Variants in C4orf50 observed in about 807,000 individuals in gnomAD.
C4orf50 encodes the protein uncharacterized protein C4orf50.
In C4orf50, 80 loss-of-function variants were observed where a neutral mutation model predicts 77.2. The observed-to-expected ratio is 1.04, with a 90% CI of 0.87 to 1.25. The LOEUF (loss-of-function observed/expected upper bound fraction) is 1.25. Among genes scored for constraint, C4orf50 ranks in the 50% most tolerant of loss-of-function variants. The pLI is 0.00. For synonymous variants in C4orf50, 532 were observed against 465.3 expected (o/e 1.14, Z -1.84); for missense variants, 1,257 against 1,152.9 (o/e 1.09, Z -1.31).
intron 25 of C4orf50, among the ~76,000 whole-genome samples, chr4:6,006,491 G>C (rs1240580047): frequency 6.6e-6 from 1 of 152,200 alleles, no homozygotes; most frequent in Non-Finnish European, 1.5e-5. Flanking sequence ...TGTGACAACA[G>C]TTAAAAGATG....
chr4:5,996,176 TC>T (rs1296723403), intron 25 of C4orf50, among the ~76,000 whole-genome samples: 6 of 152,170 alleles, frequency 3.9e-5, no homozygotes, highest in Admixed American at 3.9e-4. Flanking sequence ...TCCCAGCGCG[TC>T]CGTGCTCTCC....
rs1207974269 is a variant in C4orf50, at chr4:5,914,205, GT to G, written c.*2475-16018del. Among the ~76,000 whole-genome samples the G allele has an allele frequency of 6.4e-4, 50 of 78,154 alleles. 1 individual carries two copies. Among genetic ancestry groups the G allele is most frequent in the African/African-American group, 1.5e-3 (37 of 24,274 alleles). 51.3% of individuals were successfully genotyped at this position (78,154 alleles called of 152,430 possible). ...AGATTTTGTTTTTGTTTTTATGGGT[GT>G]TTTTTTTTTTTTTTTTTTTTTGGAG... On this transcript the variant is annotated intron_variant, in intron 7 of 7. Transcript: ENST00000324058.
In C4orf50 at chr4:5,916,347, G is replaced by A. The variant is rs542305916; in HGVS notation, c.*2475-18159C>T. 1.3e-5 allele frequency among the ~76,000 whole-genome samples: 2 copies of A among 152,108 alleles called. No homozygotes were observed. The highest frequency in any genetic ancestry group is 2.9e-5 in the Non-Finnish European group (2 of 68,032). ...TTGACCAATCAACTAGGAGAGGGGT[G>A]GGGCTTAACCACGCCGAACAGACAG... On this transcript the variant is annotated intron_variant, in intron 7 of 7. Coordinates refer to the C4orf50 transcript ENST00000324058. This position sits in a 1 kb window ranked among gnomAD's most constrained non-coding sequence, Gnocchi z 4.4.
At chr4:5,929,593 T>C (rs893110734) in intron 7 of C4orf50, among the ~76,000 whole-genome samples, 9 of 152,268 alleles carry the variant, frequency 5.9e-5, no homozygotes, top group African/African-American at 2.2e-4. Flanking sequence ...ATTTACAATT[T>C]ACTTCTTATA....
intron 23 of C4orf50, among the ~76,000 whole-genome samples, chr4:6,013,659 G>T (rs1722569181): frequency 6.6e-6 from 1 of 152,206 alleles, no homozygotes; most frequent in Non-Finnish European, 1.5e-5. Flanking sequence ...CCTTGAGAGA[G>T]GGTTGAACTT....
intron 7 of C4orf50, among the ~76,000 whole-genome samples, chr4:5,912,256 C>CGTGTGTGTGTGTGTGTGT (rs58017259): frequency 6.8e-6 from 1 of 146,312 alleles, no homozygotes; most frequent in African/African-American, 2.6e-5. Context: ...GCACTCCACT[C>CGTGTGTGTGTGTGTGTGT]GTGTGTGTGT....
chr4:5,945,238 C>A (rs918175203), intron 7 of C4orf50, among the ~76,000 whole-genome samples: 1 of 152,148 alleles, frequency 6.6e-6, no homozygotes, highest in Non-Finnish European at 1.5e-5. Flanking sequence ...AAGCAGCATT[C>A]GGATTTGACT....
chr4:5,959,709 G>A (rs905228501), intron 33 of C4orf50, 83 bp from the exon 12 acceptor site: 2 of 1,490,494 alleles, frequency 1.3e-6, no homozygotes, highest in African/African-American at 2.8e-5. Context: ...ATCAAAGGAA[G>A]AGATGACAGT....
chr4:5,935,104 C>T (rs1717948726), intron 7 of C4orf50, among the ~76,000 whole-genome samples: 1 of 152,224 alleles, frequency 6.6e-6, no homozygotes, highest in Non-Finnish European at 1.5e-5. Context: ...TTCATAATTA[C>T]TGCAGTTAAC....
intron 25 of C4orf50, among the ~76,000 whole-genome samples, chr4:5,995,353 C>T (rs1026087470): frequency 6.6e-5 from 10 of 152,172 alleles, no homozygotes; most frequent in South Asian, 2.1e-4. Context: ...ACCTTGGCAG[C>T]GCCCTGTCCC....
intron 33 of C4orf50, among the ~76,000 whole-genome samples, chr4:5,963,553 G>T (rs1407213198): frequency 6.6e-6 from 1 of 152,082 alleles, no homozygotes; most frequent in Non-Finnish European, 1.5e-5. Flanking sequence ...CAACAAGCCT[G>T]AGAGGTAGAT....
chr4:6,004,367 TG>T (rs201759986), intron 25 of C4orf50, among the ~76,000 whole-genome samples: 2 of 125,636 alleles, frequency 1.6e-5, no homozygotes, highest in African/African-American at 5.7e-5. Flanking sequence ...ATGGTGATGA[TG>T]GTGATGGTGA....
At chr4:5,996,800 C>T (rs191252028) in intron 25 of C4orf50, among the ~76,000 whole-genome samples, 3 of 152,194 alleles carry the variant, frequency 2.0e-5, no homozygotes, top group Non-Finnish European at 4.4e-5. Context: ...GCCTGGGCAG[C>T]GACATCCTGT....
intron 7 of C4orf50, among the ~76,000 whole-genome samples, chr4:5,925,610 G>A (rs977551024): frequency 6.6e-6 from 1 of 152,240 alleles, no homozygotes; most frequent in Non-Finnish European, 1.5e-5. Context: ...ATAACACTGG[G>A]TTTCTATGGC....
At chr4:5,962,753 T>C (rs1719340879) in intron 33 of C4orf50, among the ~76,000 whole-genome samples, 1 of 152,220 alleles carries the variant, frequency 6.6e-6, no homozygotes, top group African/African-American at 2.4e-5. Context: ...CTGATATCTA[T>C]TTGGTGGGCC....
At chr4:5,959,316 G>C in exon 34 of C4orf50, 1 of 1,555,990 alleles carries the variant, frequency 6.4e-7, no homozygotes, top group African/African-American at 1.4e-5. Flanking sequence ...ACTCTCTGAA[G>C]GTTCTGCTTC....
intron 7 of C4orf50, among the ~76,000 whole-genome samples, chr4:5,925,278 G>T (rs60463149): frequency 0.1 from 15,523 of 152,042 alleles, 1,105 homozygotes; most frequent in African/African-American, 0.2. Flanking sequence ...GAGGTGTGGT[G>T]GGGGGTGGGC....
intron 7 of C4orf50, among the ~76,000 whole-genome samples, chr4:5,939,178 G>A (rs1301830635): frequency 6.6e-6 from 1 of 152,126 alleles, no homozygotes; most frequent in Non-Finnish European, 1.5e-5. Flanking sequence ...GGGAGGCAGA[G>A]GTTGCAGTGA....
At chr4:5,966,993 G>T (rs1452174778) in intron 32 of C4orf50, among the ~76,000 whole-genome samples, 1 of 152,186 alleles carries the variant, frequency 6.6e-6, no homozygotes, top group Admixed American at 6.5e-5. Flanking sequence ...TAATTCCCAT[G>T]CTGTTGCATG....
Sources: allele counts gnomAD v4.1 joint callset (sites outside exome capture counted in the v4.1 genomes callset), GRCh38; gene constraint gnomAD v4.1.1; non-coding constraint Gnocchi (gnomAD v3.1); transcripts MANE v1.5; gene names NCBI Gene and HGNC (gene_info 2026-07-23, HGNC 2026-07-21).